The following PCDH11Y variants were observed in gnomAD, a reference collection of about 807,000 sequenced individuals.
PCDH11Y encodes the protein protocadherin 11 Y-linked.
For missense variants in PCDH11Y, 12 were observed against 224.8 expected (o/e 0.05, Z 6.05); for synonymous variants, 9 against 83.6 (o/e 0.11, Z 4.87).
chrY:5,371,913 A>C, intron 2 of PCDH11Y, among the ~76,000 whole-genome samples: 3 of 32,752 alleles, frequency 9.2e-5, no homozygotes, highest in Non-Finnish European at 2.2e-4. Context: ...AAATAAATAA[A>C]TACTCAGAGA....
At chrY:5,537,008 T>C in intron 3 of PCDH11Y, among the ~76,000 whole-genome samples, 3 of 32,672 alleles carry the variant, frequency 9.2e-5, no homozygotes, top group Non-Finnish European at 1.5e-4. Context: ...CCTCCAGATT[T>C]GTACTTTTTG....
intron 2 of PCDH11Y, among the ~76,000 whole-genome samples, chrY:5,205,483 A>T: frequency 4.0e-5 from 1 of 25,112 alleles, no homozygotes; most frequent in Admixed American, 4.7e-4. Context: ...TATATATTTT[A>T]TATATATATA....
intron 4 of PCDH11Y, among the ~76,000 whole-genome samples, chrY:5,583,322 A>T (rs2124697614): frequency 3.1e-5 from 1 of 32,121 alleles, no homozygotes; most frequent in Non-Finnish European, 7.7e-5. Context: ...TGATTTCTCC[A>T]ATGTAGTTTT....
chrY:5,109,152 A>G, downstream of PCDH11Y, among the ~76,000 whole-genome samples: 1 of 33,008 alleles, frequency 3.0e-5, no homozygotes, highest in Admixed American at 2.8e-4. Context: ...AGATTCTGTG[A>G]TAATACAAAG....
At chrY:5,229,381 G>T (rs2052965025) in intron 2 of PCDH11Y, among the ~76,000 whole-genome samples, 1 of 19,921 alleles carries the variant, frequency 5.0e-5, no homozygotes, top group Non-Finnish European at 1.0e-4. Flanking sequence ...AGTGGCCCAA[G>T]CTTGGCTCAC....
At chrY:5,723,024 A>G in intron 4 of PCDH11Y, among the ~76,000 whole-genome samples, 3 of 32,085 alleles carry the variant, frequency 9.4e-5, no homozygotes, top group Non-Finnish European at 1.5e-4. Flanking sequence ...TATAAGATAT[A>G]TACATATATA....
intron 2 of PCDH11Y, among the ~76,000 whole-genome samples, chrY:5,385,304 C>G: frequency 6.6e-5 from 2 of 30,150 alleles, no homozygotes; most frequent in Non-Finnish European, 1.6e-4. Context: ...CCCTTCCCAC[C>G]CTTTCCCCCT....
chrY:5,222,555 G>A, intron 2 of PCDH11Y, among the ~76,000 whole-genome samples: 1 of 28,792 alleles, frequency 3.5e-5, no homozygotes. Flanking sequence ...GGGGTGCAGT[G>A]GCACAATCTT....
chrY:5,135,553 C>G (rs2052838194), intron 2 of PCDH11Y, among the ~76,000 whole-genome samples: 1 of 32,751 alleles, frequency 3.1e-5, no homozygotes, highest in East Asian at 8.3e-4. Flanking sequence ...GCAGAGGCGG[C>G]CAGGATTGCC....
chrY:5,392,369 CAAAAAAAAA>C (rs56793888), intron 2 of PCDH11Y, among the ~76,000 whole-genome samples: 1 of 5,350 alleles, frequency 1.9e-4, no homozygotes, highest in Non-Finnish European at 3.8e-4. Context: ...GACTCCGTCT[CAAAAAAAAA>C]AAAAAAAAAA....
At chrY:5,421,920 G>T in intron 2 of PCDH11Y, among the ~76,000 whole-genome samples, 1 of 31,404 alleles carries the variant, frequency 3.2e-5, no homozygotes, top group Non-Finnish European at 7.7e-5. Context: ...ATGCATTATC[G>T]CCTGATTTTG....
At chrY:5,302,964 T>C in intron 2 of PCDH11Y, among the ~76,000 whole-genome samples, 1 of 33,200 alleles carries the variant, frequency 3.0e-5, no homozygotes, top group Non-Finnish European at 7.5e-5. Flanking sequence ...AGGCAACTTT[T>C]GCTCTACTTT....
At chrY:5,399,448 C>T in intron 2 of PCDH11Y, among the ~76,000 whole-genome samples, 1 of 29,198 alleles carries the variant, frequency 3.4e-5, no homozygotes, top group African/African-American at 1.3e-4. Context: ...ATCTATGATA[C>T]TAGTCCCACA....
intron 2 of PCDH11Y, among the ~76,000 whole-genome samples, chrY:5,219,010 C>G: frequency 2.9e-5 from 1 of 34,170 alleles, no homozygotes; most frequent in African/African-American, 1.1e-4. Flanking sequence ...ATAATGTCCT[C>G]CATGTTCATC....
chrY:5,513,292 C>G, intron 3 of PCDH11Y, among the ~76,000 whole-genome samples: 1 of 33,323 alleles, frequency 3.0e-5, no homozygotes, highest in Non-Finnish European at 7.4e-5. Flanking sequence ...CTCGGCCTCC[C>G]AAAGTGCTGG....
chrY:5,110,021 T>C (rs2052801454), downstream of PCDH11Y, among the ~76,000 whole-genome samples: 1 of 33,863 alleles, frequency 3.0e-5, no homozygotes, highest in Non-Finnish European at 7.3e-5. Context: ...ACTATTCCAA[T>C]AGATTTTCTA....
chrY:5,255,919 C>T, intron 2 of PCDH11Y, among the ~76,000 whole-genome samples: 1 of 32,792 alleles, frequency 3.0e-5, no homozygotes, highest in Non-Finnish European at 7.5e-5. Context: ...GTTGTTTAAC[C>T]TCCTCATATG....
At chrY:5,447,854 T>C in intron 2 of PCDH11Y, among the ~76,000 whole-genome samples, 1 of 32,275 alleles carries the variant, frequency 3.1e-5, no homozygotes, top group Non-Finnish European at 7.6e-5. Context: ...TTCCATTCAG[T>C]CTTTGATACC....
chrY:5,571,515 A>G, intron 3 of PCDH11Y, among the ~76,000 whole-genome samples: 2 of 31,695 alleles, frequency 6.3e-5, no homozygotes, highest in Admixed American at 3.0e-4. Context: ...AGACATGCAT[A>G]TAATATATGA....
Sources: gnomAD v4.1 joint callset for allele counts (sites outside exome capture counted in the v4.1 genomes callset) on GRCh38, gnomAD v4.1.1 for gene constraint, MANE v1.5 for transcripts, NCBI Gene and HGNC (gene_info 2026-07-23, HGNC 2026-07-21) for gene names.